The following CHD7 variants were observed in gnomAD, a reference collection of about 807,000 sequenced individuals.
The protein encoded by CHD7 is ATP-dependent chromatin remodeler CHD7.
CHD7 carries 24 observed loss-of-function variants against 307.3 expected under a neutral mutation model. The ratio of observed to expected loss-of-function variants is 0.08; its 90% CI spans 0.06 to 0.11. The LOEUF is 0.11. Ranked by LOEUF, CHD7 falls within the 10% of genes least tolerant of loss-of-function variation. CHD7 has a pLI of 1.00. For missense variants in CHD7, 3,106 were observed against 3,727.1 expected, an observed-to-expected ratio of 0.83 and a Z score of 4.34; for synonymous variants, 1,363 against 1,349.9, an observed-to-expected ratio of 1.01 and a Z score of -0.21.
At chr8:60,758,751 C>T (rs774912128) in intron 2 of CHD7, among the ~76,000 whole-genome samples, 1 of 152,134 alleles carries the variant, frequency 6.6e-6, no homozygotes, top group African/African-American at 2.4e-5. Flanking sequence ...GTTGCGCGAG[C>T]GCTCTTCTTG....
At chr8:60,686,899 TTTC>T in intron 1 of CHD7, among the ~76,000 whole-genome samples, 1 of 152,356 alleles carries the variant, frequency 6.6e-6, no homozygotes, top group Non-Finnish European at 1.5e-5. Context: ...TGTGTCCTCT[TTTC>T]ATCATTTTGA....
At chr8:60,703,075 G>A (rs1356271696) in intron 1 of CHD7, among the ~76,000 whole-genome samples, 1 of 152,136 alleles carries the variant, frequency 6.6e-6, no homozygotes, top group African/African-American at 2.4e-5. Context: ...AATACTTCAG[G>A]GAGGCCCAAC....
intron 1 of CHD7, among the ~76,000 whole-genome samples, chr8:60,685,960 G>A (rs1805866483): frequency 6.6e-6 from 1 of 152,156 alleles, no homozygotes; most frequent in African/African-American, 2.4e-5. Context: ...AGAACTTTTT[G>A]TTATAGATCA....
chr8:60,788,626 G>A (rs907483214), intron 3 of CHD7, among the ~76,000 whole-genome samples: 15 of 152,154 alleles, frequency 9.9e-5, no homozygotes, highest in African/African-American at 1.4e-4. Context: ...TGAGGGTGGC[G>A]AGGCACCTGC....
chr8:60,841,976 C>T lies in CHD7; in HGVS notation c.4774C>T (p.Arg1592Trp), dbSNP rs773187713. The change falls in exon 21 of 38, where the codon CGG becomes TGG. Residue 1592 changes from arginine (R) to tryptophan (W), a missense_variant. Arg to Trp is a moderately radical substitution (Grantham distance 101). Around this residue, in one of 10 missense-constraint regions of CHD7, gnomAD observed 122 missense variants for 124.5 expected, o/e 0.98. Coordinates refer to ENST00000423902, the MANE Select transcript of CHD7 (RefSeq NM_017780.4). ...DSEEKPCAKP[R>W]RPQDKSQGYA... Reference sequence around the variant, plus strand: ...TGAAGAAAAGCCCTGTGCAAAGCCACGGCGTCCCCAGGATAAGTCACAGGG... The same window carrying T: ...TGAAGAAAAGCCCTGTGCAAAGCCATGGCGTCCCCAGGATAAGTCACAGGG... 8.7e-6 allele frequency: 14 copies of T among 1,613,552 alleles called. No individual in the cohort carries two copies. Among genetic ancestry groups the T allele is most frequent in the East Asian group, 4.5e-5 (2 of 44,886 alleles).
intron 6 of CHD7, among the ~76,000 whole-genome samples, chr8:60,804,005 T>A (rs1415186442): frequency 3.9e-5 from 6 of 152,132 alleles, no homozygotes; most frequent in Admixed American, 3.3e-4. Flanking sequence ...AGACTCCATG[T>A]TTTTCAAAGT....
chr8:60,747,351 T>C (rs908396974), intron 2 of CHD7, among the ~76,000 whole-genome samples: 13 of 152,202 alleles, frequency 8.5e-5, no homozygotes, highest in African/African-American at 3.1e-4. Flanking sequence ...GTGCTGGGAT[T>C]ACAGGCATGA....
chr8:60,790,544 G>T (rs1438767530), intron 3 of CHD7, among the ~76,000 whole-genome samples: 1 of 152,092 alleles, frequency 6.6e-6, no homozygotes, highest in Non-Finnish European at 1.5e-5. Flanking sequence ...GCTATGTGGG[G>T]GTTTCTTATA....
At chr8:60,808,097 T>C in intron 6 of CHD7, 120 bp from the exon 7 acceptor site, 1 of 727,274 alleles carries the variant, frequency 1.4e-6, no homozygotes, top group Non-Finnish European at 2.3e-6. Context: ...TCATCTTACG[T>C]GAAGGTCCTT....
intron 18 of CHD7, 99 bp downstream of exon 18, chr8:60,837,934 C>T: frequency 7.6e-7 from 1 of 1,316,214 alleles, no homozygotes; most frequent in Non-Finnish European, 1.0e-6. Context: ...TTTTCGACCT[C>T]AATATTTTAA....
chr8:60,856,484 A>G lies in CHD7; in HGVS notation c.7204A>G (p.Arg2402Gly). The G allele has an allele frequency of 6.2e-7, 1 of 1,613,534 alleles. No homozygotes were observed. Among genetic ancestry groups the G allele is most frequent in the South Asian group, 1.1e-5 (1 of 91,036 alleles). The change falls in exon 34 of 38, where the codon AGG (arginine) becomes GGG (glycine). Residue 2402 changes from arginine (R) to glycine (G), a missense_variant. Around this residue, in one of 10 missense-constraint regions of CHD7, gnomAD observed 1,030 missense variants for 1,165.4 expected, o/e 0.88. Coordinates refer to ENST00000423902, the MANE Select transcript of CHD7 (RefSeq NM_017780.4). Reference sequence around the variant, plus strand: ...CCTCTCTGTCCCTCGCCAGCGGAGGAGGAGGAGGAGAAAAATCGAAATTGA... The same window carrying G: ...CCTCTCTGTCCCTCGCCAGCGGAGGGGGAGGAGGAGAAAAATCGAAATTGA... ...LNLSVPRQRR[R>G]RRRKIEIEAE...
rs1458617989 is a variant in CHD7, at chr8:60,812,647, T to A, written c.2499-3740T>A. On this transcript the variant is annotated intron_variant, in intron 7 of 37. Coordinates refer to ENST00000423902, the MANE Select transcript of CHD7 (RefSeq NM_017780.4). ...CCATTGCACTCCAGCTGGGCGACAGTGTGAGACTACATCTCAAAAAAAAAA... is the reference window on the plus strand; with the variant it reads ...CCATTGCACTCCAGCTGGGCGACAGAGTGAGACTACATCTCAAAAAAAAAA... Among the ~76,000 whole-genome samples, 4 of 143,028 alleles carry A rather than the reference T, an allele frequency of 2.8e-5. No individual in the cohort carries two copies. The East Asian group carries it at 8.0e-4, about 29-fold the overall frequency. The allele number at this position is 143,028 out of a possible 152,430, so 93.8% of individuals were successfully genotyped here.
At chr8:60,680,987 A>T (rs1387262195) in intron 1 of CHD7, among the ~76,000 whole-genome samples, 2 of 152,000 alleles carry the variant, frequency 1.3e-5, no homozygotes, top group Non-Finnish European at 2.9e-5. Flanking sequence ...TTTTAATTTA[A>T]GCCGTCTTTG....
chr8:60,773,456 C>CA (rs1356430395), intron 2 of CHD7, among the ~76,000 whole-genome samples: 1 of 152,174 alleles, frequency 6.6e-6, no homozygotes, highest in Non-Finnish European at 1.5e-5. Flanking sequence ...AGAGACACAT[C>CA]AAAAGCATGT....
At chr8:60,787,643 C>T (rs1811557519) in intron 3 of CHD7, among the ~76,000 whole-genome samples, 1 of 151,828 alleles carries the variant, frequency 6.6e-6, no homozygotes, top group Admixed American at 6.6e-5. Context: ...TCTATAGGAA[C>T]AATATAATTT....
Position 60,852,885 on chromosome 8 carries a change from A to T in CHD7, c.6160A>T (p.Thr2054Ser). Residue 2054 changes from threonine to serine, a missense_variant, in exon 31 of 38, where the codon ACT (threonine) becomes TCT (serine). By Grantham distance (58) the Thr-to-Ser change is moderately conservative. Coordinates refer to ENST00000423902, the MANE Select transcript of CHD7 (RefSeq NM_017780.4). The part of the protein sequence containing the change: ...EPITEERASR[T>S]LYRIELLRKI... ...GATCACAGAGGAGCGAGCCTCTCGA[A>T]CTCTGTACCGCATTGAGCTGCTACG... 6.2e-7 allele frequency: 1 copy of T among 1,613,908 alleles called. No homozygotes were observed. The highest frequency in any genetic ancestry group is 8.5e-7 in the Non-Finnish European group (1 of 1,179,866).
At chr8:60,769,710 T>C (rs1810626494) in intron 2 of CHD7, among the ~76,000 whole-genome samples, 1 of 152,248 alleles carries the variant, frequency 6.6e-6, no homozygotes, top group South Asian at 2.1e-4. Context: ...GGTGAATTTT[T>C]ACTAGTCTCT....
At chr8:60,817,380 G>C (rs527746307) in intron 8 of CHD7, among the ~76,000 whole-genome samples, 1 of 152,348 alleles carries the variant, frequency 6.6e-6, no homozygotes, top group South Asian at 2.1e-4. Context: ...ATGAAGGAAA[G>C]TGGGACAGAA....
chr8:60,685,859 C>T (rs1805857652), intron 1 of CHD7, among the ~76,000 whole-genome samples: 1 of 152,158 alleles, frequency 6.6e-6, no homozygotes, highest in African/African-American at 2.4e-5. Context: ...TATGAAAATA[C>T]AGGACAGTAA....
Sources: allele counts gnomAD v4.1 joint callset (sites outside exome capture counted in the v4.1 genomes callset), GRCh38; gene constraint gnomAD v4.1.1; regional missense constraint gnomAD v4.1.1; transcripts MANE v1.5; gene names NCBI Gene and HGNC (gene_info 2026-07-23, HGNC 2026-07-21).